Variants in LRRC1 observed in about 807,000 individuals in gnomAD.
LRRC1 encodes the protein leucine rich repeat containing 1.
LRRC1 carries 28 observed loss-of-function variants against 69.9 expected under a neutral mutation model. The observed-to-expected ratio is 0.40, with a 90% CI of 0.30 to 0.55. The LOEUF (loss-of-function observed/expected upper bound fraction) is 0.55. Among genes scored for constraint, LRRC1 ranks in the 20% least tolerant of loss-of-function variants. LRRC1 has a pLI of 0.47. For synonymous variants in LRRC1, 236 were observed against 240.2 expected (o/e 0.98, Z 0.16); for missense variants, 498 against 609.0 (o/e 0.82, Z 1.92).
intron 6 of LRRC1, among the ~76,000 whole-genome samples, 188 bp from the exon 7 acceptor site, chr6:53,897,097 T>G (rs1187536944): frequency 6.6e-6 from 1 of 152,088 alleles, no homozygotes; most frequent in Non-Finnish European, 1.5e-5. Flanking sequence ...TGGACATAGG[T>G]GGAAACAACT....
intron 1 of LRRC1, among the ~76,000 whole-genome samples, chr6:53,840,277 T>C (rs1384741120): frequency 6.6e-6 from 1 of 152,196 alleles, no homozygotes; most frequent in Non-Finnish European, 1.5e-5. Flanking sequence ...TTGGGAATAA[T>C]GATTTTTTTG....
intron 2 of LRRC1, among the ~76,000 whole-genome samples, chr6:53,872,752 CTTTTTTTT>C (rs537186693): frequency 1.9e-5 from 2 of 106,404 alleles, no homozygotes; most frequent in South Asian, 3.1e-4. Context: ...TTTCTTTTCT[CTTTTTTTT>C]TTTTTTTTTT....
chr6:53,815,077 T>C (rs141818679), intron 1 of LRRC1, among the ~76,000 whole-genome samples: 108 of 108,828 alleles, frequency 9.9e-4, no homozygotes, highest in Middle Eastern at 8.8e-3. Flanking sequence ...GGAGTTCTTT[T>C]AAAAAATACA....
intron 10 of LRRC1, chr6:53,904,742 T>C (rs1305706676): frequency 1.6e-5 from 3 of 186,266 alleles, no homozygotes; most frequent in Admixed American, 1.2e-4. Flanking sequence ...GGTGACACCA[T>C]TGGCAGAAAT....
chr6:53,835,570 C>T (rs1452856939), intron 1 of LRRC1, among the ~76,000 whole-genome samples: 1 of 152,212 alleles, frequency 6.6e-6, no homozygotes, highest in Non-Finnish European at 1.5e-5. Context: ...CCCTTTCAAA[C>T]TCAAATTCTG....
intron 1 of LRRC1, among the ~76,000 whole-genome samples, chr6:53,819,989 A>ATG (rs1765072222): frequency 6.6e-6 from 1 of 152,206 alleles, no homozygotes; most frequent in South Asian, 2.1e-4. Context: ...CCATCCCAGC[A>ATG]TGTTCATGCA....
At chr6:53,801,355 T>A (rs113671130) in intron 1 of LRRC1, among the ~76,000 whole-genome samples, 1,612 of 152,352 alleles carry the variant, frequency 0.011, 26 homozygotes, top group African/African-American at 0.036. Context: ...TTTACCAGAT[T>A]TAAAAAGTGT....
chr6:53,919,468 C>G (rs780325318), intron 11 of LRRC1, 30 bp from the exon 12 acceptor site: 12 of 1,318,738 alleles, frequency 9.1e-6, no homozygotes, highest in Non-Finnish European at 1.2e-5. Context: ...GTTGTGATGT[C>G]TCTTTTTTTA....
chr6:53,872,244 A>C (rs1766910594), intron 2 of LRRC1, among the ~76,000 whole-genome samples: 1 of 151,790 alleles, frequency 6.6e-6, no homozygotes, highest in South Asian at 2.1e-4. Context: ...AAATGAGTGG[A>C]TTTATTTCTG....
chr6:53,854,666 A>G (rs1277889083), intron 2 of LRRC1, among the ~76,000 whole-genome samples: 2 of 152,226 alleles, frequency 1.3e-5, no homozygotes, highest in Non-Finnish European at 2.9e-5. Flanking sequence ...GTTGAACTCT[A>G]AAATCATAAT....
intron 1 of LRRC1, among the ~76,000 whole-genome samples, chr6:53,834,901 G>A (rs1765568504): frequency 6.6e-6 from 1 of 152,204 alleles, no homozygotes; most frequent in African/African-American, 2.4e-5. Flanking sequence ...GGCGGAGGTT[G>A]CAGTGAGCCG....
chr6:53,840,930 G>A (rs1019744123), intron 1 of LRRC1, among the ~76,000 whole-genome samples: 9 of 124,250 alleles, frequency 7.2e-5, no homozygotes, highest in African/African-American at 1.6e-4. Flanking sequence ...GTGTGTGTGC[G>A]TGCGCGCACA....
chr6:53,911,248 A>G (rs1300185908), intron 10 of LRRC1, among the ~76,000 whole-genome samples: 4 of 152,216 alleles, frequency 2.6e-5, no homozygotes, highest in Non-Finnish European at 4.4e-5. Flanking sequence ...AGTTTACACA[A>G]TATGTTCCCA....
chr6:53,849,852 G>A (rs1227039113), intron 2 of LRRC1, among the ~76,000 whole-genome samples: 1 of 152,096 alleles, frequency 6.6e-6, no homozygotes, highest in Non-Finnish European at 1.5e-5. Context: ...AGCTACTTGG[G>A]AGGCCAATTT....
intron 2 of LRRC1, among the ~76,000 whole-genome samples, chr6:53,847,456 G>A (rs1765983196): frequency 6.6e-6 from 1 of 152,088 alleles, no homozygotes; most frequent in African/African-American, 2.4e-5. Flanking sequence ...TTCTCTTATG[G>A]GGCAAATGGA....
At chr6:53,889,056 G>A (rs1767588936) in intron 4 of LRRC1, among the ~76,000 whole-genome samples, 1 of 152,110 alleles carries the variant, frequency 6.6e-6, no homozygotes, top group Non-Finnish European at 1.5e-5. Context: ...ATTCGAATAG[G>A]CATTTCTTCA....
intron 1 of LRRC1, among the ~76,000 whole-genome samples, chr6:53,819,097 G>A (rs886404013): frequency 2.0e-5 from 3 of 152,140 alleles, no homozygotes; most frequent in African/African-American, 4.8e-5. Context: ...CTATGGGATC[G>A]GAAACTATAA....
intron 2 of LRRC1, 73 bp from the exon 3 acceptor site, chr6:53,878,920 G>A (rs1767167472): frequency 1.2e-6 from 1 of 814,634 alleles, no homozygotes; most frequent in African/African-American, 1.7e-5. Flanking sequence ...TCTTGTGAGT[G>A]TGATCCATCT....
intron 4 of LRRC1, among the ~76,000 whole-genome samples, chr6:53,894,861 G>A (rs955731404): frequency 7.2e-5 from 11 of 152,012 alleles, no homozygotes; most frequent in African/African-American, 2.2e-4. Context: ...CTGCAACTCC[G>A]CACCAAGTTA....
Sources: allele counts gnomAD v4.1 joint callset (sites outside exome capture counted in the v4.1 genomes callset), GRCh38; gene constraint gnomAD v4.1.1; transcripts MANE v1.5; gene names NCBI Gene and HGNC (gene_info 2026-07-23, HGNC 2026-07-21).